The following RAI14 variants were observed in gnomAD, a reference collection of about 807,000 sequenced individuals.
The protein encoded by RAI14 is retinoic acid induced 14, also known as ankycorbin.
A neutral mutation model predicts 115.4 loss-of-function variants in RAI14; 45 were observed. The ratio of observed to expected loss-of-function variants is 0.39; its 90% CI spans 0.31 to 0.50. The LOEUF (loss-of-function observed/expected upper bound fraction) is 0.50. Among genes scored for constraint, RAI14 ranks in the 20% least tolerant of loss-of-function variants. The probability of loss-of-function intolerance (pLI) is 0.85; values close to 1 mark genes in which losing one functional copy is unlikely to be tolerated. For synonymous variants in RAI14, 371 were observed against 415.4 expected (o/e 0.89, Z 1.30); for missense variants, 939 against 1,131.2 (o/e 0.83, Z 2.44).
At chr5:34,781,796 T>G (rs899719544) in intron 3 of RAI14, among the ~76,000 whole-genome samples, 2 of 152,200 alleles carry the variant, frequency 1.3e-5, no homozygotes, top group African/African-American at 2.4e-5. Context: ...AGCTTGATCA[T>G]GGAGACCCTA....
intron 3 of RAI14, among the ~76,000 whole-genome samples, chr5:34,789,643 G>T (rs1216622644): frequency 6.6e-6 from 1 of 152,062 alleles, no homozygotes; most frequent in Non-Finnish European, 1.5e-5. Context: ...TTTAACTTCT[G>T]CTACTTCTCC....
intron 2 of RAI14, among the ~76,000 whole-genome samples, chr5:34,747,578 G>A (rs1746454036): frequency 6.6e-6 from 1 of 152,194 alleles, no homozygotes; most frequent in Non-Finnish European, 1.5e-5. Context: ...ATGAGTAGTT[G>A]AAACCAATAG....
intron 1 of RAI14, among the ~76,000 whole-genome samples, chr5:34,670,337 T>C (rs1743529591): frequency 6.6e-6 from 1 of 152,226 alleles, no homozygotes; most frequent in Admixed American, 6.5e-5. Context: ...TTATAAGCTA[T>C]GCCCCTTTGG....
At chr5:34,741,960 A>G (rs1705100143) in intron 2 of RAI14, among the ~76,000 whole-genome samples, 1 of 152,196 alleles carries the variant, frequency 6.6e-6, no homozygotes, top group South Asian at 2.1e-4. Flanking sequence ...GGCAAAGAGG[A>G]AGTGTCTAGC....
intron 3 of RAI14, among the ~76,000 whole-genome samples, chr5:34,776,624 G>A (rs1369565529): frequency 6.6e-6 from 1 of 151,692 alleles, no homozygotes; most frequent in African/African-American, 2.4e-5. Context: ...TGGGCAACAT[G>A]GCAAAAACCT....
At chr5:34,820,998 G>C (rs1756764971) in intron 13 of RAI14, among the ~76,000 whole-genome samples, 1 of 152,218 alleles carries the variant, frequency 6.6e-6, no homozygotes, top group African/African-American at 2.4e-5. Flanking sequence ...AAGAATGAAA[G>C]AATCAGCCGT....
intron 1 of RAI14, among the ~76,000 whole-genome samples, chr5:34,660,693 C>T (rs1742622070): frequency 6.6e-6 from 1 of 151,904 alleles, no homozygotes; most frequent in African/African-American, 2.4e-5. Flanking sequence ...GCATTTTTAC[C>T]CTAATGGTAA....
At chr5:34,723,347 G>A (rs962543129) in intron 2 of RAI14, among the ~76,000 whole-genome samples, 2 of 152,172 alleles carry the variant, frequency 1.3e-5, no homozygotes, top group African/African-American at 2.4e-5. Context: ...AGGGCAGCCT[G>A]ACAGGCTGGA....
rs181578964 is a variant in RAI14 at position 34,777,506 on chromosome 5, G to A, written c.168-18433G>A. Reference sequence around the variant, plus strand: ...AACAAAAACCTGATCTCAGCTGAGCGTGGTGGCTCACACCTGTAATCCCAA... The same window carrying A: ...AACAAAAACCTGATCTCAGCTGAGCATGGTGGCTCACACCTGTAATCCCAA... On this transcript the variant is annotated intron_variant, in intron 3 of 17. Coordinates refer to ENST00000265109, the MANE Select transcript of RAI14 (RefSeq NM_015577.3). 4.7e-4 allele frequency among the ~76,000 whole-genome samples: 72 copies of A among 152,206 alleles called. 3 individuals are homozygous for A. In the East Asian group the frequency reaches 9.1e-3, roughly 19 times the overall value.
intron 3 of RAI14, among the ~76,000 whole-genome samples, chr5:34,790,050 A>G (rs115756532): frequency 0.01 from 1,543 of 152,356 alleles, 23 homozygotes; most frequent in African/African-American, 0.035. Context: ...AATAAGAACC[A>G]GAGACCCTGA....
intron 1 of RAI14, among the ~76,000 whole-genome samples, chr5:34,670,286 G>A (rs1579864282): frequency 6.6e-6 from 1 of 152,228 alleles, no homozygotes; most frequent in African/African-American, 2.4e-5. Context: ...TCACGTGTTG[G>A]GCTTGGAACT....
At chr5:34,729,566 C>A (rs1366446971) in intron 2 of RAI14, among the ~76,000 whole-genome samples, 1 of 152,062 alleles carries the variant, frequency 6.6e-6, no homozygotes, top group African/African-American at 2.4e-5. Context: ...TTTATTGTTG[C>A]CAAAATATTC....
At chr5:34,750,869 T>TTTTTTTTTTGG (rs1746906098) in intron 2 of RAI14, among the ~76,000 whole-genome samples, 1 of 147,840 alleles carries the variant, frequency 6.8e-6, no homozygotes, top group African/African-American at 2.5e-5. Context: ...TTTTTTTTTT[T>TTTTTTTTTTGG]GAGGTGGAGT....
In RAI14 at chr5:34,781,033, T is replaced by C. The variant is rs527630399; in HGVS notation, c.168-14906T>C. Among the ~76,000 whole-genome samples, 6 of 152,016 alleles carry C rather than the reference T, an allele frequency of 3.9e-5. No homozygotes were observed. The South Asian group carries it at 8.3e-4, about 21-fold the overall frequency. On this transcript the variant is annotated intron_variant, in intron 3 of 17. Coordinates refer to ENST00000265109, the MANE Select transcript of RAI14 (RefSeq NM_015577.3). ...GGCACATATACACCATGGAATACTA[T>C]GCAGTCATAAAAAAGGATGAGTTCA...
chr5:34,830,535 T>C (rs1284305053), intron 17 of RAI14, among the ~76,000 whole-genome samples, 153 bp from the exon 18 acceptor site: 1 of 152,118 alleles, frequency 6.6e-6, no homozygotes, highest in Non-Finnish European at 1.5e-5. Flanking sequence ...CAGTTCCTCA[T>C]AGAAATTTGG....
rs201354748 is a variant in RAI14, at chr5:34,665,178, C to CATATATATATATATAT, written c.-49+8713_-49+8714insATATATATATATATAT. On this transcript the variant is annotated intron_variant, in intron 1 of 17. Coordinates refer to ENST00000265109, the MANE Select transcript of RAI14 (RefSeq NM_015577.3). ...GTGTGTGTATATATATATATACACACATATATATATGTATATATATACACA... is the reference window on the plus strand; with the variant it reads ...GTGTGTGTATATATATATATACACACATATATATATATATATATATATATATGTATATATATACACA... 8.5e-3 allele frequency among the ~76,000 whole-genome samples: 60 copies of CATATATATATATATAT among 7,072 alleles called. 4 individuals are homozygous for CATATATATATATATAT. The highest frequency in any genetic ancestry group is 0.011 in the Non-Finnish European group (36 of 3,240). 4.6% of individuals were successfully genotyped at this position (7,072 alleles called of 152,430 possible).
intron 2 of RAI14, chr5:34,716,710 G>A (rs6878294): frequency 0.21 from 31,493 of 152,118 alleles, 3,750 homozygotes; most frequent in Non-Finnish European, 0.25. Flanking sequence ...ACTGCGCCCG[G>A]TCAAGTTTTG....
intron 3 of RAI14, among the ~76,000 whole-genome samples, chr5:34,780,077 C>T (rs1248252306): frequency 1.3e-5 from 2 of 152,138 alleles, no homozygotes; most frequent in African/African-American, 4.8e-5. Context: ...TACACATCTA[C>T]AACCATCTGA....
Position 34,824,149 on chromosome 5 carries a change from GA to G in RAI14, c.2310del (p.Lys770AsnfsTer4). On this transcript the variant is annotated frameshift_variant, in exon 15 of 18. Transcript: ENST00000265109. LOFTEE classifies it high-confidence loss of function. ...AGGAAGTGGAAGTAGCAAAGCTGGA[GA>G]AACAACTCTTAGAAGAGAAAGCTGC... ...SKEVEVAKLE[K>X]QLLEEKAAMT... The G allele has an allele frequency of 6.2e-7, 1 of 1,613,986 alleles. No homozygotes were observed. Among genetic ancestry groups the G allele is most frequent in the Non-Finnish European group, 8.5e-7 (1 of 1,179,946 alleles).
Sources: gnomAD v4.1 joint callset for allele counts (sites outside exome capture counted in the v4.1 genomes callset) on GRCh38, gnomAD v4.1.1 for gene constraint, MANE v1.5 for transcripts, NCBI Gene and HGNC (gene_info 2026-07-23, HGNC 2026-07-21) for gene names.